The following ARHGAP6 variants were observed in gnomAD, a reference collection of about 807,000 sequenced individuals.
ARHGAP6 encodes the protein rho GTPase-activating protein 6.
In ARHGAP6, 16 loss-of-function variants were observed where a neutral mutation model predicts 55.7. That is an observed-to-expected ratio of 0.29 (90% CI 0.19 to 0.44). The LOEUF is 0.44. Ranked by LOEUF, ARHGAP6 falls within the 20% of genes least tolerant of loss-of-function variation. The pLI, the probability that ARHGAP6 is intolerant of heterozygous loss-of-function variation, is 1.00. For synonymous variants in ARHGAP6, 382 were observed against 360.9 expected (o/e 1.06, Z -0.66); for missense variants, 698 against 808.9 (o/e 0.86, Z 1.66).
intron 2 of ARHGAP6, among the ~76,000 whole-genome samples, chrX:11,242,485 G>A (rs763966871): frequency 1.9e-4 from 21 of 110,940 alleles, no homozygotes; most frequent in African/African-American, 4.9e-4. Context: ...TGTCTCAAAG[G>A]GGCAGCTCTG....
intron 2 of ARHGAP6, among the ~76,000 whole-genome samples, chrX:11,226,925 C>G (rs781766758): frequency 1.1e-4 from 12 of 112,302 alleles, no homozygotes; most frequent in African/African-American, 3.6e-4. Flanking sequence ...ATTATTAACA[C>G]TTTGTGAATT....
intron 1 of ARHGAP6, among the ~76,000 whole-genome samples, chrX:11,407,381 G>T (rs897252458): frequency 8.9e-6 from 1 of 112,130 alleles, no homozygotes; most frequent in Non-Finnish European, 1.9e-5. Flanking sequence ...ACCATATTTT[G>T]TTTATCTGTT....
In ARHGAP6 at chrX:11,144,087, G is replaced by A. The variant is rs755933842; in HGVS notation, c.2069C>T (p.Pro690Leu). 3 of 1,209,295 alleles carry A rather than the reference G, an allele frequency of 2.5e-6. No homozygotes were observed. The highest frequency in any genetic ancestry group is 3.0e-5 in the East Asian group (1 of 33,727). The change falls in exon 11 of 13, where the codon CCG (proline) becomes CTG (leucine). Residue 690 changes from proline (P) to leucine (L), a missense_variant. This residue lies in a region of ARHGAP6 where 322 missense variants were observed against 451.1 expected (regional missense o/e 0.71). Transcript: ENST00000337414. Reference protein sequence around the residue: ...SLLAMQEDAAPGGSEKLYRVP... With the variant: ...SLLAMQEDAALGGSEKLYRVP... ...TCTGTAAAGCTTCTCCGAGCCCCCC[G>A]GGGCCGCGTCCTCTTGCATAGCCAG...
At chrX:11,211,130 G>T (rs1430876006) in intron 2 of ARHGAP6, among the ~76,000 whole-genome samples, 2 of 111,188 alleles carry the variant, frequency 1.8e-5, no homozygotes, top group Non-Finnish European at 3.8e-5. Context: ...CATCTTATGA[G>T]AGTTCTGCAA....
At chrX:11,597,050 T>G (rs1000306599) in intron 1 of ARHGAP6, among the ~76,000 whole-genome samples, 2 of 111,898 alleles carry the variant, frequency 1.8e-5, no homozygotes, top group Non-Finnish European at 3.8e-5. Flanking sequence ...CAAACTGGGA[T>G]AGTTGGTCAC....
At chrX:11,437,812 G>C (rs2050001604) in intron 1 of ARHGAP6, among the ~76,000 whole-genome samples, 1 of 112,490 alleles carries the variant, frequency 8.9e-6, no homozygotes, top group Admixed American at 9.4e-5. Context: ...ACCCCACAGA[G>C]TGCTCACAGA....
intron 1 of ARHGAP6, chrX:11,294,770 A>G: frequency 8.3e-7 from 1 of 1,210,835 alleles, no homozygotes; most frequent in South Asian, 1.8e-5. Context: ...GTTGACTTAC[A>G]TTTCAGAACC....
At chrX:11,482,097 T>C (rs2050462229) in intron 1 of ARHGAP6, among the ~76,000 whole-genome samples, 1 of 112,218 alleles carries the variant, frequency 8.9e-6, no homozygotes, top group African/African-American at 3.2e-5. Context: ...GTCTAGGGGA[T>C]ATCTGTCACA....
At chrX:11,383,884 C>T (rs5935047) in intron 1 of ARHGAP6, among the ~76,000 whole-genome samples, 6,097 of 110,192 alleles carry the variant, frequency 0.055, 190 homozygotes, top group African/African-American at 0.12. Context: ...CAACAGGGTG[C>T]TTCCCCTTGC....
At chrX:11,274,067 T>C (rs2047725172) in intron 1 of ARHGAP6, among the ~76,000 whole-genome samples, 1 of 111,433 alleles carries the variant, frequency 9.0e-6, no homozygotes, top group Non-Finnish European at 1.9e-5. Flanking sequence ...CCTGAGTTTG[T>C]GGTCTTAACC....
intron 1 of ARHGAP6, among the ~76,000 whole-genome samples, chrX:11,333,350 T>C (rs1197653840): frequency 8.9e-6 from 1 of 111,810 alleles, no homozygotes; most frequent in Non-Finnish European, 1.9e-5. Context: ...AAGGGGCTTT[T>C]GCCCCTTTTG....
At chrX:11,305,974 T>C (rs944252810) in intron 1 of ARHGAP6, among the ~76,000 whole-genome samples, 1 of 111,794 alleles carries the variant, frequency 8.9e-6, no homozygotes, top group Non-Finnish European at 1.9e-5. Context: ...ACCCTATCTG[T>C]CCAAATAACC....
chrX:11,185,063 A>T (rs2046368387), intron 5 of ARHGAP6, among the ~76,000 whole-genome samples: 1 of 112,003 alleles, frequency 8.9e-6, no homozygotes, highest in African/African-American at 3.2e-5. Flanking sequence ...TACAGTAAAA[A>T]TACAGTATTA....
chrX:11,425,755 T>G (rs2049872074), intron 1 of ARHGAP6, among the ~76,000 whole-genome samples: 1 of 112,553 alleles, frequency 8.9e-6, no homozygotes, highest in South Asian at 3.7e-4. Flanking sequence ...TTTTGTAATA[T>G]ATTTACATAA....
chrX:11,153,191 A>G (rs1180879932), intron 10 of ARHGAP6, among the ~76,000 whole-genome samples: 2 of 111,810 alleles, frequency 1.8e-5, no homozygotes, highest in Non-Finnish European at 3.8e-5. Context: ...TGATTCAGAA[A>G]GAGCATTTTA....
chrX:11,267,492 CT>C (rs897012518), intron 1 of ARHGAP6, among the ~76,000 whole-genome samples: 1 of 112,193 alleles, frequency 8.9e-6, no homozygotes, highest in Non-Finnish European at 1.9e-5. Context: ...CCACTATGAG[CT>C]TACAAATTAA....
intron 1 of ARHGAP6, among the ~76,000 whole-genome samples, chrX:11,531,062 A>AT (rs201697546): frequency 0.011 from 1,197 of 112,291 alleles, 21 homozygotes; most frequent in African/African-American, 0.036. Context: ...GAACAAGTGA[A>AT]TGGATAGATG....
intron 1 of ARHGAP6, among the ~76,000 whole-genome samples, chrX:11,578,229 T>C (rs933433115): frequency 9.0e-6 from 1 of 111,628 alleles, no homozygotes; most frequent in Non-Finnish European, 1.9e-5. Flanking sequence ...ATACTCTAAG[T>C]TCAGTGTGTT....
chrX:11,496,614 A>G (rs2050625312), intron 1 of ARHGAP6, among the ~76,000 whole-genome samples: 1 of 112,306 alleles, frequency 8.9e-6, no homozygotes, highest in Non-Finnish European at 1.9e-5. Context: ...AACATTTTAA[A>G]GCATTCTTAT....
Sources: allele counts gnomAD v4.1 joint callset (sites outside exome capture counted in the v4.1 genomes callset), GRCh38; gene constraint gnomAD v4.1.1; regional missense constraint gnomAD v4.1.1; transcripts MANE v1.5; gene names NCBI Gene and HGNC (gene_info 2026-07-23, HGNC 2026-07-21).